The following ATF7IP2 variants were observed in gnomAD, a reference collection of about 807,000 sequenced individuals.
ATF7IP2 encodes the protein activating transcription factor 7 interacting protein 2, also known as activating transcription factor 7-interacting protein 2.
ATF7IP2 carries 42 observed loss-of-function variants against 64.2 expected under a neutral mutation model. That is an observed-to-expected ratio of 0.65 (90% CI 0.51 to 0.85). The LOEUF is 0.85. Ranked by LOEUF, ATF7IP2 falls within the 40% of genes least tolerant of loss-of-function variation. The probability of loss-of-function intolerance (pLI) is 0.00; values close to 1 mark genes in which losing one functional copy is unlikely to be tolerated. For synonymous variants in ATF7IP2, 308 were observed against 272.8 expected, an observed-to-expected ratio of 1.13 and a Z score of -1.27; for missense variants, 933 against 784.2, an observed-to-expected ratio of 1.19 and a Z score of -2.27.
At chr16:10,401,825 G>C (rs571620262) in intron 1 of ATF7IP2, among the ~76,000 whole-genome samples, 1 of 149,314 alleles carries the variant, frequency 6.7e-6, no homozygotes, top group South Asian at 2.2e-4. Context: ...GTTTCTTCTT[G>C]GTTAAGGCTT....
At chr16:10,481,010 G>C (rs1284984951) in intron 13 of ATF7IP2, 46 bp downstream of exon 13, 4 of 1,374,426 alleles carry the variant, frequency 2.9e-6, no homozygotes, top group Non-Finnish European at 4.2e-6. Flanking sequence ...TCCAAATTGA[G>C]TGGGAAGTAG....
At chr16:10,428,557 T>C (rs1407827144) in intron 3 of ATF7IP2, among the ~76,000 whole-genome samples, 1 of 152,178 alleles carries the variant, frequency 6.6e-6, no homozygotes, top group African/African-American at 2.4e-5. Context: ...TATTTGTGTT[T>C]AGTGGGATGT....
chr16:10,403,331 C>G (rs1439317909), intron 1 of ATF7IP2, among the ~76,000 whole-genome samples: 1 of 152,164 alleles, frequency 6.6e-6, no homozygotes, highest in African/African-American at 2.4e-5. Flanking sequence ...GCTCACCTAC[C>G]TGGCACACTA....
intron 9 of ATF7IP2, among the ~76,000 whole-genome samples, chr16:10,458,726 ATAG>A (rs1281666868): frequency 2.0e-5 from 3 of 152,260 alleles, no homozygotes; most frequent in Non-Finnish European, 4.4e-5. Flanking sequence ...CATAACCCTA[ATAG>A]TATTATAAAA....
At chr16:10,452,927 C>T (rs1596554869) in intron 8 of ATF7IP2, among the ~76,000 whole-genome samples, 1 of 152,088 alleles carries the variant, frequency 6.6e-6, no homozygotes, top group Middle Eastern at 3.2e-3. Flanking sequence ...GGTCAATGCC[C>T]CTCCCCTCAC....
chr16:10,425,605 A>T (rs2048068575), intron 3 of ATF7IP2, among the ~76,000 whole-genome samples: 1 of 152,174 alleles, frequency 6.6e-6, no homozygotes, highest in Non-Finnish European at 1.5e-5. Context: ...CAAAAATGTT[A>T]AAAGTAGGCC....
At chr16:10,481,153 C>G (rs978908798) in intron 13 of ATF7IP2, among the ~76,000 whole-genome samples, 189 bp downstream of exon 13, 2 of 152,154 alleles carry the variant, frequency 1.3e-5, no homozygotes, top group Non-Finnish European at 2.9e-5. Context: ...GAAATTAAAA[C>G]AAATACTTTT....
intron 1 of ATF7IP2, among the ~76,000 whole-genome samples, chr16:10,391,763 G>A (rs2047330319): frequency 6.6e-6 from 1 of 152,006 alleles, no homozygotes; most frequent in Non-Finnish European, 1.5e-5. Flanking sequence ...TGGGCATGGT[G>A]GTGCACGCCT....
chr16:10,482,254 T>G lies in ATF7IP2; in HGVS notation c.*5T>G, dbSNP rs1353498218. 1 of 1,546,348 alleles carries G rather than the reference T, an allele frequency of 6.5e-7. No homozygotes were observed. Among genetic ancestry groups the G allele is most frequent in the Non-Finnish European group, 8.8e-7 (1 of 1,141,244 alleles). On this transcript the variant is annotated 3_prime_UTR_variant, in exon 14 of 14. Coordinates refer to ENST00000562102, the MANE Select transcript of ATF7IP2 (RefSeq NM_001393719.1). ...TTTTCTGAAAATCTTACGTAAAAGG[T>G]GTTTAATAATGATATACTACTTTTT...
At chr16:10,396,450 A>G (rs1033217316) in intron 1 of ATF7IP2, among the ~76,000 whole-genome samples, 1 of 152,128 alleles carries the variant, frequency 6.6e-6, no homozygotes, top group Non-Finnish European at 1.5e-5. Context: ...AAAAAAGGTC[A>G]TCGTGCAGAC....
intron 9 of ATF7IP2, among the ~76,000 whole-genome samples, chr16:10,469,483 A>G (rs1342450467): frequency 6.6e-6 from 1 of 152,180 alleles, no homozygotes; most frequent in East Asian, 1.9e-4. Flanking sequence ...ATGAAAGCAT[A>G]CAAAACCACA....
At chr16:10,427,852 C>CAA (rs200441087) in intron 3 of ATF7IP2, among the ~76,000 whole-genome samples, 14 of 94,208 alleles carry the variant, frequency 1.5e-4, no homozygotes, top group East Asian at 1.3e-3. Context: ...GACCCTGTCT[C>CAA]AAAAAAAAAA....
chr16:10,463,139 G>A (rs1361863581), intron 9 of ATF7IP2, among the ~76,000 whole-genome samples: 1 of 152,080 alleles, frequency 6.6e-6, no homozygotes, highest in Non-Finnish European at 1.5e-5. Flanking sequence ...TGTGTTTGCT[G>A]TTTTACATCT....
intron 2 of ATF7IP2, among the ~76,000 whole-genome samples, chr16:10,418,248 G>A (rs747234851): frequency 2.6e-5 from 4 of 152,230 alleles, no homozygotes; most frequent in Admixed American, 6.5e-5. Flanking sequence ...CGCCTTAAGC[G>A]GTTTTCCACC....
rs527586009 is a variant in ATF7IP2 at position 10,436,319 on chromosome 16, G to A, written c.961-1782G>A. On this transcript the variant is annotated intron_variant, in intron 6 of 13. Transcript: ENST00000562102. ...GAAGATTGCAGTGAGCCGGGATCAC[G>A]CTGCTGCACTGCAGCCTGAGCAACA... is the stretch of plus-strand genomic sequence containing the variant. Among the ~76,000 whole-genome samples the A allele has an allele frequency of 4.1e-4, 62 of 152,232 alleles. 2 individuals are homozygous for A. The East Asian group carries it at 5.0e-3, about 12-fold the overall frequency.
chr16:10,445,340 G>T (rs984384766), intron 8 of ATF7IP2: 1 of 152,068 alleles, frequency 6.6e-6, no homozygotes, highest in Non-Finnish European at 1.5e-5. Context: ...CTGTGGTAGG[G>T]GGAGGAAGGC....
intron 9 of ATF7IP2, 75 bp from the exon 10 acceptor site, chr16:10,472,035 C>T (rs936582872): frequency 1.2e-5 from 8 of 668,456 alleles, no homozygotes; most frequent in Non-Finnish European, 2.0e-5. Context: ...TAGAGGACTC[C>T]TAACCACTAA....
chr16:10,412,959 A>G (rs776812363), intron 1 of ATF7IP2, among the ~76,000 whole-genome samples: 3 of 152,004 alleles, frequency 2.0e-5, no homozygotes, highest in Non-Finnish European at 4.4e-5. Flanking sequence ...AGTTTGTTTT[A>G]TCTGATATAA....
At chr16:10,454,328 T>G (rs1259069810) in intron 8 of ATF7IP2, 2 of 143,898 alleles carry the variant, frequency 1.4e-5, no homozygotes, top group Non-Finnish European at 3.0e-5. Context: ...GAGAATCGCT[T>G]GAACCTGGGA....
Sources: gnomAD v4.1 joint callset for allele counts (sites outside exome capture counted in the v4.1 genomes callset) on GRCh38, gnomAD v4.1.1 for gene constraint, MANE v1.5 for transcripts, NCBI Gene and HGNC (gene_info 2026-07-23, HGNC 2026-07-21) for gene names.